Variants in GPR19 observed in about 807,000 individuals in gnomAD.
The protein encoded by GPR19 is probable G protein-coupled receptor 19.
A neutral mutation model predicts 28.5 loss-of-function variants in GPR19; 14 were observed. The ratio of observed to expected loss-of-function variants is 0.49; its 90% CI spans 0.32 to 0.77. The LOEUF (loss-of-function observed/expected upper bound fraction) is 0.77. Among genes scored for constraint, GPR19 ranks in the 30% least tolerant of loss-of-function variants. The pLI is 0.03. For missense variants in GPR19, 409 were observed against 504.1 expected, an observed-to-expected ratio of 0.81 and a Z score of 1.81; for synonymous variants, 173 against 184.1, an observed-to-expected ratio of 0.94 and a Z score of 0.49.
At chr12:12,688,455 A>G (rs1397402262) in intron 2 of GPR19, 1 of 152,238 alleles carries the variant, frequency 6.6e-6, no homozygotes, top group Admixed American at 6.5e-5. Flanking sequence ...GAGAACTAGC[A>G]TGGACTCATC....
chr12:12,692,694 GT>G (rs1344477479), intron 2 of GPR19, among the ~76,000 whole-genome samples: 8 of 145,426 alleles, frequency 5.5e-5, no homozygotes, highest in African/African-American at 2.0e-4. Context: ...AATTATAGTT[GT>G]TTTTTTTGTT....
chr12:12,665,010 A>G (rs1380820992), intron 3 of GPR19, among the ~76,000 whole-genome samples: 1 of 151,768 alleles, frequency 6.6e-6, no homozygotes, highest in Non-Finnish European at 1.5e-5. Context: ...ACCCTCATAC[A>G]TATAAGATTG....
At chr12:12,692,917 C>T (rs1268462817) in intron 2 of GPR19, among the ~76,000 whole-genome samples, 1 of 152,182 alleles carries the variant, frequency 6.6e-6, no homozygotes, top group African/African-American at 2.4e-5. Flanking sequence ...TTCTCTGTCA[C>T]TCATGTGTGC....
intron 2 of GPR19, among the ~76,000 whole-genome samples, chr12:12,694,461 C>T (rs1946234286): frequency 6.6e-6 from 1 of 151,714 alleles, no homozygotes; most frequent in Admixed American, 6.6e-5. Flanking sequence ...CCGCCTCAGC[C>T]TCCCAAAGTG....
chr12:12,664,811 T>C (rs1407036234), intron 3 of GPR19, among the ~76,000 whole-genome samples: 1 of 150,420 alleles, frequency 6.6e-6, no homozygotes, highest in Non-Finnish European at 1.5e-5. Context: ...TCCCAGCTAC[T>C]CGGGAGGCTG....
chr12:12,684,625 A>G (rs1299550487), intron 2 of GPR19, 118 bp from the exon 3 acceptor site: 1 of 151,978 alleles, frequency 6.6e-6, no homozygotes, highest in African/African-American at 2.4e-5. Flanking sequence ...AATGTGTCAC[A>G]TGGGAAATGG....
the GPR19 span, among the ~76,000 whole-genome samples, chr12:12,709,246 T>A: frequency 6.6e-6 from 1 of 151,728 alleles, no homozygotes; most frequent in Non-Finnish European, 1.5e-5. Flanking sequence ...CATGAGCTAA[T>A]AGAACGTAAA....
chr12:12,678,304 T>A (rs528678176), intron 3 of GPR19, among the ~76,000 whole-genome samples: 122 of 150,788 alleles, frequency 8.1e-4, no homozygotes, highest in Middle Eastern at 6.8e-3. Context: ...CCAATTAATT[T>A]AAAAAAACCA....
intron 2 of GPR19, 129 bp from the exon 3 acceptor site, chr12:12,684,636 A>G (rs183704389): frequency 1.3e-5 from 2 of 152,096 alleles, no homozygotes; most frequent in East Asian, 3.9e-4. Flanking sequence ...TGGGAAATGG[A>G]TCATGTGGCT....
chr12:12,712,591 A>C, the GPR19 span, among the ~76,000 whole-genome samples: 2 of 152,146 alleles, frequency 1.3e-5, no homozygotes, highest in African/African-American at 4.8e-5. Context: ...TGACTCATAT[A>C]TCACTTCTTC....
chr12:12,714,967 TCAAC>T, the GPR19 span: 33 of 152,184 alleles, frequency 2.2e-4, no homozygotes, highest in Non-Finnish European at 5.9e-5. Context: ...CTTTTCGAGA[TCAAC>T]AACAACAAAG....
intron 1 of GPR19, among the ~76,000 whole-genome samples, 183 bp from the exon 2 acceptor site, chr12:12,695,694 G>A (rs1946251164): frequency 6.6e-6 from 1 of 152,158 alleles, no homozygotes; most frequent in Non-Finnish European, 1.5e-5. Context: ...TATACACCAT[G>A]TACTAAATGC....
upstream of GPR19, among the ~76,000 whole-genome samples, chr12:12,697,459 A>C (rs531606711): frequency 2.6e-4 from 40 of 152,356 alleles, no homozygotes; most frequent in Admixed American, 2.6e-3. Flanking sequence ...TGCTCAAAAA[A>C]CAACCTTAAA....
chr12:12,678,458 G>C (rs893077601), intron 3 of GPR19, among the ~76,000 whole-genome samples: 2 of 152,132 alleles, frequency 1.3e-5, no homozygotes, highest in African/African-American at 4.8e-5. Flanking sequence ...TAAGGTGCTT[G>C]GCACAGAGAA....
At chr12:12,672,741 C>T (rs1005895696) in intron 3 of GPR19, among the ~76,000 whole-genome samples, 6 of 150,974 alleles carry the variant, frequency 4.0e-5, no homozygotes, top group Non-Finnish European at 3.0e-5. Context: ...AACAAGACTC[C>T]ATCTCAAAAA....
At chr12:12,711,810 C>T in the GPR19 span, among the ~76,000 whole-genome samples, 4 of 152,082 alleles carry the variant, frequency 2.6e-5, no homozygotes, top group Admixed American at 6.5e-5. Context: ...TCCTTAAATT[C>T]GTCCTCCCTT....
chr12:12,709,278 A>G, the GPR19 span, among the ~76,000 whole-genome samples: 1 of 152,130 alleles, frequency 6.6e-6, no homozygotes, highest in Non-Finnish European at 1.5e-5. Context: ...GTACCTCATG[A>G]GCTTCAGGAT....
chr12:12,663,151 C>G lies in GPR19; in HGVS notation c.-22-681G>C, dbSNP rs191981317. Among the ~76,000 whole-genome samples, 396 of 152,314 alleles carry G rather than the reference C, an allele frequency of 2.6e-3. 1 individual carries two copies. The highest frequency in any genetic ancestry group is 9.1e-3 in the African/African-American group (377 of 41,564). On this transcript the variant is annotated intron_variant, in intron 3 of 3. Coordinates refer to ENST00000651487, the MANE Select transcript of GPR19 (RefSeq NM_006143.3). ...GACGATACAGTTCATGCACTAATAGCTTGCCACCTACCAGTGACATATATT... is the reference window on the plus strand; with the variant it reads ...GACGATACAGTTCATGCACTAATAGGTTGCCACCTACCAGTGACATATATT...
the GPR19 span, among the ~76,000 whole-genome samples, chr12:12,712,994 A>C: frequency 6.6e-6 from 1 of 150,954 alleles, no homozygotes; most frequent in South Asian, 2.1e-4. Context: ...ATGGCTTTCC[A>C]TATCGCCAGG....
Sources: allele counts gnomAD v4.1 joint callset (sites outside exome capture counted in the v4.1 genomes callset), GRCh38; gene constraint gnomAD v4.1.1; transcripts MANE v1.5; gene names NCBI Gene and HGNC (gene_info 2026-07-23, HGNC 2026-07-21).